APPBP2: variants seen among roughly 807,000 people sequenced by gnomAD.
APPBP2 encodes amyloid beta precursor protein binding protein 2.
In APPBP2, 15 loss-of-function variants were observed where a neutral mutation model predicts 76.0. The ratio of observed to expected loss-of-function variants is 0.20; its 90% CI spans 0.13 to 0.30. The LOEUF is 0.30. Among genes scored for constraint, APPBP2 ranks in the 10% least tolerant of loss-of-function variants. APPBP2 has a pLI of 1.00. For missense variants in APPBP2, 401 were observed against 687.2 expected, an observed-to-expected ratio of 0.58 and a Z score of 4.66; for synonymous variants, 222 against 242.2, an observed-to-expected ratio of 0.92 and a Z score of 0.77.
At chr17:60,481,944 G>A (rs1335518315) in intron 3 of APPBP2, among the ~76,000 whole-genome samples, 4 of 152,188 alleles carry the variant, frequency 2.6e-5, no homozygotes, top group East Asian at 1.9e-4. Flanking sequence ...GTGCAATAGC[G>A]TGATCTCGGC....
rs747295041 is a variant in APPBP2, at chr17:60,466,506, G to C, written c.504-47C>G. 35 of 1,564,314 alleles carry C rather than the reference G, an allele frequency of 2.2e-5. 1 individual carries two copies. The highest frequency in any genetic ancestry group is 4.5e-5 in the South Asian group (4 of 88,396). ...GCTCTATTTTTGATATTTTCAGCTT[G>C]GTAGACCTGATGACCTCTTACCAAT... On this transcript the variant is annotated intron_variant, in intron 4 of 12. Transcript: ENST00000083182.
intron 2 of APPBP2, 25 bp from the exon 3 acceptor site, chr17:60,494,642 T>A (rs376488523): frequency 1.4e-4 from 221 of 1,550,426 alleles, no homozygotes; most frequent in Non-Finnish European, 1.8e-4. Flanking sequence ...AAAGATTATT[T>A]TATAGAGTTA....
intron 1 of APPBP2, among the ~76,000 whole-genome samples, chr17:60,510,689 C>G (rs1425674392): frequency 6.6e-6 from 1 of 152,074 alleles, no homozygotes; most frequent in Non-Finnish European, 1.5e-5. Context: ...ACACCAGAGC[C>G]TGGGAGACAA....
chr17:60,453,134 A>G (rs1050321831), intron 11 of APPBP2, among the ~76,000 whole-genome samples: 1 of 152,172 alleles, frequency 6.6e-6, no homozygotes, highest in East Asian at 1.9e-4. Context: ...GAAATATAGC[A>G]ATCATATTTG....
chr17:60,450,771 CAA>C (rs1235490603), intron 12 of APPBP2, among the ~76,000 whole-genome samples: 10 of 79,970 alleles, frequency 1.3e-4, no homozygotes, highest in Non-Finnish European at 1.6e-4. Flanking sequence ...GATCCTGTCT[CAA>C]AAAAAAAAAA....
intron 4 of APPBP2, chr17:60,468,559 C>T (rs1187390545): frequency 1.3e-5 from 2 of 152,158 alleles, no homozygotes; most frequent in Non-Finnish European, 2.9e-5. Flanking sequence ...GCAAAATAAA[C>T]ACTGTATGCC....
At chr17:60,451,831 C>T (rs758403106) in intron 12 of APPBP2, 49 bp downstream of exon 12, 2 of 1,467,774 alleles carry the variant, frequency 1.4e-6, no homozygotes, top group African/African-American at 2.8e-5. Flanking sequence ...GACATGCTGA[C>T]ATGTTGATTT....
chr17:60,500,386 A>G lies in APPBP2; in HGVS notation c.227+13T>C. The G allele has an allele frequency of 6.4e-7, 1 of 1,554,432 alleles. No individual in the cohort carries two copies. The highest frequency in any genetic ancestry group is 1.2e-5 in the South Asian group (1 of 85,226). ...GTTATGTATATTTTACAATTTTTTA[A>G]AAAAGAATTTACCTTTTATCCAAAG... On this transcript the variant is annotated intron_variant, in intron 2 of 12. Coordinates refer to ENST00000083182, the MANE Select transcript of APPBP2 (RefSeq NM_006380.5).
At chr17:60,480,630 T>A (rs1179237787) in intron 3 of APPBP2, among the ~76,000 whole-genome samples, 1 of 152,174 alleles carries the variant, frequency 6.6e-6, no homozygotes, top group Non-Finnish European at 1.5e-5. Flanking sequence ...TTGAGCAGAA[T>A]AATGAGATTA....
intron 1 of APPBP2, among the ~76,000 whole-genome samples, chr17:60,525,508 G>A (rs1445868708): frequency 6.6e-6 from 1 of 152,218 alleles, no homozygotes; most frequent in Non-Finnish European, 1.5e-5. Flanking sequence ...GGGCGCGATA[G>A]AGTAAGTCCA....
At chr17:60,505,211 G>A (rs562803950) in intron 1 of APPBP2, among the ~76,000 whole-genome samples, 48 of 152,132 alleles carry the variant, frequency 3.2e-4, no homozygotes, top group Non-Finnish European at 5.7e-4. Context: ...TCAAAATTAC[G>A]GTCCACACAG....
At chr17:60,501,209 G>A (rs2090820364) in intron 1 of APPBP2, among the ~76,000 whole-genome samples, 1 of 151,780 alleles carries the variant, frequency 6.6e-6, no homozygotes, top group Non-Finnish European at 1.5e-5. Context: ...CTATTTGGGA[G>A]GTTGAGGCAA....
intron 2 of APPBP2, 114 bp from the exon 3 acceptor site, chr17:60,494,731 G>T: frequency 9.9e-7 from 1 of 1,014,470 alleles, no homozygotes; most frequent in Non-Finnish European, 1.4e-6. Flanking sequence ...GACGGAATAA[G>T]ATAAAAAGCA....
chr17:60,461,298 T>G (rs972979958), intron 8 of APPBP2: 1 of 153,482 alleles, frequency 6.5e-6, no homozygotes, highest in Non-Finnish European at 1.4e-5. Flanking sequence ...TTGCTTGAAC[T>G]TGGGAGGCAG....
At chr17:60,471,955 G>T (rs1407709144) in intron 4 of APPBP2, among the ~76,000 whole-genome samples, 1 of 152,014 alleles carries the variant, frequency 6.6e-6, no homozygotes, top group Non-Finnish European at 1.5e-5. Context: ...GCAAAACCTC[G>T]TCTCTACTAA....
chr17:60,504,255 G>C (rs975622783), intron 1 of APPBP2, among the ~76,000 whole-genome samples: 1 of 152,002 alleles, frequency 6.6e-6, no homozygotes, highest in African/African-American at 2.4e-5. Context: ...TCTAGAAGTA[G>C]GCAAATTATC....
intron 1 of APPBP2, among the ~76,000 whole-genome samples, chr17:60,516,180 A>C (rs535062657): frequency 7.2e-4 from 109 of 152,166 alleles, no homozygotes; most frequent in African/African-American, 2.4e-3. Context: ...AAAAACAAAA[A>C]AAAAACAAAC....
intron 1 of APPBP2, among the ~76,000 whole-genome samples, chr17:60,501,867 C>G (rs1027964566): frequency 6.6e-6 from 1 of 151,938 alleles, no homozygotes; most frequent in Non-Finnish European, 1.5e-5. Flanking sequence ...GAGGTCAGGT[C>G]GAATTAGGTA....
chr17:60,481,449 C>T (rs1567928462), intron 3 of APPBP2, among the ~76,000 whole-genome samples: 1 of 152,066 alleles, frequency 6.6e-6, no homozygotes, highest in East Asian at 1.9e-4. Context: ...ATTTTTTATG[C>T]TGATAATTGA....
Sources: allele counts gnomAD v4.1 joint callset (sites outside exome capture counted in the v4.1 genomes callset), GRCh38; gene constraint gnomAD v4.1.1; transcripts MANE v1.5; gene names NCBI Gene and HGNC (gene_info 2026-07-23, HGNC 2026-07-21).